Variants in C6orf62 observed in about 807,000 individuals in gnomAD.
C6orf62 encodes the protein uncharacterized protein C6orf62.
A neutral mutation model predicts 26.8 loss-of-function variants in C6orf62; 16 were observed. The observed-to-expected ratio is 0.60, with a 90% CI of 0.40 to 0.91. C6orf62 has a LOEUF of 0.91. Among genes scored for constraint, C6orf62 ranks in the 40% least tolerant of loss-of-function variants. The pLI, the probability that C6orf62 is intolerant of heterozygous loss-of-function variation, is 0.00. For synonymous variants in C6orf62, 112 were observed against 91.5 expected, an observed-to-expected ratio of 1.22 and a Z score of -1.28; for missense variants, 192 against 271.4, an observed-to-expected ratio of 0.71 and a Z score of 2.06.
intron 3 of C6orf62, chr6:24,709,915 C>T (rs913260362): frequency 4.4e-5 from 43 of 985,250 alleles, no homozygotes; most frequent in Non-Finnish European, 5.2e-5. Flanking sequence ...ATTGCCGTTA[C>T]GTCAAAAACA....
At chr6:24,714,169 T>C in intron 3 of C6orf62, 149 bp downstream of exon 3, 1 of 556,856 alleles carries the variant, frequency 1.8e-6, no homozygotes, top group Non-Finnish European at 3.0e-6. Flanking sequence ...AACGCTTTCT[T>C]CTCTTGCATC....
At position 24,719,105 on chromosome 6, in the gene C6orf62, T is replaced by C. The variant is rs1162860499; in HGVS notation, c.-437A>G. ...AATCCATCCGGATTTTCCCCCCTTT[T>C]TAGAAAAGGGATTAAGGAACAGGGA... On this transcript the variant is annotated 5_prime_UTR_variant, in exon 1 of 5. Transcript: ENST00000378119. The C allele has an allele frequency of 3.0e-6, 3 of 989,526 alleles. No individual in the cohort carries two copies. The highest frequency in any genetic ancestry group is 3.6e-6 in the Non-Finnish European group (3 of 833,216). 61.3% of individuals were successfully genotyped at this position (989,526 alleles called of 1,614,324 possible). A position where few individuals can be genotyped will look rare whatever the true frequency, so the allele number is the denominator to read the frequency against.
chr6:24,720,234 T>A (rs1779328061), upstream of C6orf62: 1 of 1,307,678 alleles, frequency 7.6e-7, no homozygotes, highest in Admixed American at 3.8e-5. Flanking sequence ...TAGGGCGGGG[T>A]TTGGGCCCTC....
At chr6:24,716,791 T>C (rs911676078) in intron 1 of C6orf62, among the ~76,000 whole-genome samples, 4 of 152,110 alleles carry the variant, frequency 2.6e-5, no homozygotes, top group African/African-American at 9.7e-5. Context: ...GGCACCATCT[T>C]GGCTCACTTG....
upstream of C6orf62, chr6:24,720,013 G>GGGGGGGCCC: frequency 7.4e-6 from 11 of 1,479,216 alleles, no homozygotes; most frequent in African/African-American, 1.5e-5. Flanking sequence ...TCTAAAGTAA[G>GGGGGGGCCC]CCCACCCACC....
chr6:24,708,307 G>A (rs1779053189), intron 4 of C6orf62, among the ~76,000 whole-genome samples: 1 of 150,840 alleles, frequency 6.6e-6, no homozygotes, highest in Non-Finnish European at 1.5e-5. Context: ...CAAAATTTGG[G>A]AACCATTGTT....
intron 4 of C6orf62, 70 bp downstream of exon 4, chr6:24,708,707 T>C (rs1779062312): frequency 2.5e-6 from 4 of 1,578,012 alleles, no homozygotes; most frequent in Admixed American, 3.5e-5. Flanking sequence ...AAGTAACTTG[T>C]ATATAAAACG....
intron 3 of C6orf62, chr6:24,710,507 A>G (rs1405389665): frequency 2.5e-6 from 2 of 793,712 alleles, no homozygotes; most frequent in African/African-American, 3.8e-5. Context: ...CAGGTGATCC[A>G]TCTGGCTTAG....
intron 1 of C6orf62, among the ~76,000 whole-genome samples, chr6:24,717,036 T>C (rs1400604713): frequency 6.6e-6 from 1 of 152,162 alleles, no homozygotes. Context: ...ACCATCAATA[T>C]TTGAAAGACT....
intron 3 of C6orf62, among the ~76,000 whole-genome samples, chr6:24,711,257 A>ACACAC (rs1554192457): frequency 0.02 from 2,945 of 151,020 alleles, 87 homozygotes; most frequent in African/African-American, 0.064. Context: ...CACACACACA[A>ACACAC]ACACACACAC....
intron 3 of C6orf62, among the ~76,000 whole-genome samples, chr6:24,714,083 G>T (rs1280334335): frequency 3.3e-5 from 5 of 152,154 alleles, no homozygotes; most frequent in African/African-American, 1.2e-4. Flanking sequence ...CACTTTAAAA[G>T]ATTTTCTCTA....
chr6:24,714,454 A>T lies in C6orf62; in HGVS notation c.307-14T>A, dbSNP rs751556594. ...GCCAATTACATCCTATAAAATGATT[A>T]AAAAAAAAAAAGTTTACTTTTAAAG... is the stretch of plus-strand genomic sequence containing the variant. On this transcript the variant is annotated splice_polypyrimidine_tract_variant and intron_variant, in intron 2 of 4. Transcript: ENST00000378119. 1.0e-4 allele frequency: 67 copies of T among 666,102 alleles called. No homozygotes were observed. The highest frequency in any genetic ancestry group is 4.9e-4 in the East Asian group (10 of 20,276). 41.3% of individuals were successfully genotyped at this position (666,102 alleles called of 1,614,324 possible).
At chr6:24,710,610 A>G in intron 3 of C6orf62, 1 of 969,956 alleles carries the variant, frequency 1.0e-6, no homozygotes, top group Non-Finnish European at 1.2e-6. Flanking sequence ...AAAAAAAAAA[A>G]GTAACAGTAA....
chr6:24,708,681 G>C, intron 4 of C6orf62, 96 bp downstream of exon 4: 1 of 1,490,236 alleles, frequency 6.7e-7, no homozygotes, highest in South Asian at 1.2e-5. Flanking sequence ...TGCAGTGTTT[G>C]GGGGACACAA....
At chr6:24,710,560 G>A (rs1019818275) in intron 3 of C6orf62, 5 of 983,646 alleles carry the variant, frequency 5.1e-6, no homozygotes, top group Admixed American at 6.2e-5. Context: ...AACCGCGCCC[G>A]GCCCAAATTG....
At chr6:24,718,394 C>A in intron 1 of C6orf62, 146 bp downstream of exon 1, 1 of 754,190 alleles carries the variant, frequency 1.3e-6, no homozygotes. Flanking sequence ...ACAGAATCAC[C>A]CCTAAGGGTG....
chr6:24,708,400 G>C (rs2294687), intron 4 of C6orf62, among the ~76,000 whole-genome samples: 20,015 of 152,156 alleles, frequency 0.13, 1,641 homozygotes, highest in Non-Finnish European at 0.18. Flanking sequence ...TCAAGCTGGA[G>C]TGCAGTGACA....
chr6:24,709,865 T>C, intron 3 of C6orf62: 4 of 979,720 alleles, frequency 4.1e-6, no homozygotes, highest in Non-Finnish European at 4.8e-6. Context: ...TACTGAGTTG[T>C]ACAAATAATT....
upstream of C6orf62, chr6:24,719,983 ATAATTGTGT>A: frequency 6.5e-7 from 1 of 1,545,130 alleles, no homozygotes; most frequent in African/African-American, 1.4e-5. Context: ...AAAAAAGAAA[ATAATTGTGT>A]TAATATTACT....
Sources: gnomAD v4.1 joint callset for allele counts (sites outside exome capture counted in the v4.1 genomes callset) on GRCh38, gnomAD v4.1.1 for gene constraint, MANE v1.5 for transcripts, NCBI Gene and HGNC (gene_info 2026-07-23, HGNC 2026-07-21) for gene names.